Variants in ST6GAL1 observed in about 807,000 individuals in gnomAD.
ST6GAL1 encodes the protein beta-galactoside alpha-2,6-sialyltransferase 1.
In ST6GAL1, 20 loss-of-function variants were observed where a neutral mutation model predicts 38.0. The ratio of observed to expected loss-of-function variants is 0.53; its 90% confidence interval spans 0.37 to 0.77. The LOEUF is 0.77. Ranked by LOEUF, ST6GAL1 falls within the 30% of genes least tolerant of loss-of-function variation. The probability of loss-of-function intolerance (pLI) is 0.00; values close to 1 mark genes in which losing one functional copy is unlikely to be tolerated. For missense variants in ST6GAL1, 432 were observed against 496.4 expected (o/e 0.87, Z 1.23); for synonymous variants, 196 against 188.2 (o/e 1.04, Z -0.34).
chr3:187,038,346 C>G (rs1327936733), intron 2 of ST6GAL1: 1 of 152,020 alleles, frequency 6.6e-6, no homozygotes, highest in African/African-American at 2.4e-5. Context: ...GCTGGGACTA[C>G]CGGTGTGCGC....
intron 5 of ST6GAL1, among the ~76,000 whole-genome samples, chr3:187,056,485 A>G (rs1718706325): frequency 6.6e-6 from 1 of 152,150 alleles, no homozygotes; most frequent in Admixed American, 6.5e-5. Flanking sequence ...GAGCTCTTGT[A>G]AGGCAGGCCT....
At chr3:187,036,544 TAC>T (rs1717937787) in intron 2 of ST6GAL1, among the ~76,000 whole-genome samples, 1 of 152,190 alleles carries the variant, frequency 6.6e-6, no homozygotes, top group African/African-American at 2.4e-5. Context: ...ATGGTACATA[TAC>T]ACTGTGGAAT....
chr3:187,020,710 A>G (rs1717267135), intron 2 of ST6GAL1, among the ~76,000 whole-genome samples: 1 of 152,178 alleles, frequency 6.6e-6, no homozygotes, highest in African/African-American at 2.4e-5. Context: ...TCTGTAAAAT[A>G]TTTTCAAGAA....
intron 1 of ST6GAL1, among the ~76,000 whole-genome samples, chr3:186,941,151 T>TC (rs1261837029): frequency 2.6e-5 from 4 of 152,292 alleles, no homozygotes; most frequent in Non-Finnish European, 5.9e-5. Flanking sequence ...GTCATCACGT[T>TC]CCCCTCCCCT....
chr3:187,012,893 T>C (rs1717002262), intron 2 of ST6GAL1, among the ~76,000 whole-genome samples: 1 of 152,144 alleles, frequency 6.6e-6, no homozygotes. Context: ...TCACTGTGAG[T>C]CGTCGGGTCT....
intron 2 of ST6GAL1, among the ~76,000 whole-genome samples, chr3:186,969,028 C>A (rs1715247282): frequency 6.8e-6 from 1 of 147,968 alleles, no homozygotes; most frequent in South Asian, 2.2e-4. Context: ...TTTTCTTTTT[C>A]TTTTTTTCTT....
chr3:186,946,742 TG>T (rs1172989660), intron 1 of ST6GAL1, among the ~76,000 whole-genome samples: 1 of 152,200 alleles, frequency 6.6e-6, no homozygotes, highest in Non-Finnish European at 1.5e-5. Flanking sequence ...TTATAAATAA[TG>T]AACTAGTCTT....
chr3:187,008,419 A>T (rs957170590), intron 2 of ST6GAL1, among the ~76,000 whole-genome samples: 5 of 152,154 alleles, frequency 3.3e-5, no homozygotes, highest in Non-Finnish European at 7.3e-5. Flanking sequence ...ATGACTGTCC[A>T]TTTCTCATCC....
At chr3:187,054,776 C>T (rs1579365005) in intron 5 of ST6GAL1, among the ~76,000 whole-genome samples, 1 of 152,112 alleles carries the variant, frequency 6.6e-6, no homozygotes, top group Non-Finnish European at 1.5e-5. Context: ...TGTTTTGTCT[C>T]TGCTAGACTT....
intron 1 of ST6GAL1, among the ~76,000 whole-genome samples, chr3:186,948,338 T>C (rs954883355): frequency 6.6e-6 from 1 of 152,236 alleles, no homozygotes; most frequent in Non-Finnish European, 1.5e-5. Flanking sequence ...GAAGTACCGA[T>C]GAGGACAAAG....
chr3:187,012,297 T>C (rs2108559412), intron 2 of ST6GAL1, among the ~76,000 whole-genome samples: 1 of 151,930 alleles, frequency 6.6e-6, no homozygotes, highest in Admixed American at 6.6e-5. Context: ...CTGCTCTGTC[T>C]CCCAGGCTGG....
intron 2 of ST6GAL1, among the ~76,000 whole-genome samples, chr3:187,002,048 A>C (rs559166230): frequency 6.6e-6 from 1 of 151,040 alleles, no homozygotes; most frequent in Non-Finnish European, 1.5e-5. Flanking sequence ...GTTGCCTTAT[A>C]TTGGTGTTGT....
At chr3:187,064,479 G>T (rs1227147004) in intron 5 of ST6GAL1, 1 of 455,946 alleles carries the variant, frequency 2.2e-6, no homozygotes, top group East Asian at 6.9e-5. Flanking sequence ...AAAATGCATG[G>T]CTTTCTACTG....
At chr3:187,021,228 C>T (rs1359601626) in intron 2 of ST6GAL1, among the ~76,000 whole-genome samples, 2 of 152,076 alleles carry the variant, frequency 1.3e-5, no homozygotes, top group African/African-American at 4.8e-5. Flanking sequence ...TCCCAAAGTG[C>T]TGGGAATACA....
intron 2 of ST6GAL1, among the ~76,000 whole-genome samples, chr3:187,027,533 T>C (rs1560167889): frequency 6.6e-6 from 1 of 152,192 alleles, no homozygotes; most frequent in Non-Finnish European, 1.5e-5. Context: ...CAGTGTTGCC[T>C]CCTCTCTACA....
chr3:186,940,201 T>G (rs774740821), intron 1 of ST6GAL1, among the ~76,000 whole-genome samples: 1 of 152,182 alleles, frequency 6.6e-6, no homozygotes, highest in Non-Finnish European at 1.5e-5. Context: ...CTCTCAGCCC[T>G]GTGCAGCCCC....
At chr3:186,944,783 T>C (rs535719294) in intron 1 of ST6GAL1, among the ~76,000 whole-genome samples, 4 of 152,260 alleles carry the variant, frequency 2.6e-5, no homozygotes, top group East Asian at 1.9e-4. Flanking sequence ...AAAAGGGTAA[T>C]TGGAGAGTCT....
At chr3:186,947,627 A>G (rs1366376605) in intron 1 of ST6GAL1, among the ~76,000 whole-genome samples, 1 of 152,126 alleles carries the variant, frequency 6.6e-6, no homozygotes, top group Non-Finnish European at 1.5e-5. Flanking sequence ...TTGTAGGTAA[A>G]TTTTTAGGTA....
At chr3:187,030,718 G>T (rs1717717420) in intron 2 of ST6GAL1, among the ~76,000 whole-genome samples, 2 of 152,322 alleles carry the variant, frequency 1.3e-5, no homozygotes, top group South Asian at 4.1e-4. Flanking sequence ...ACAGGTGTGA[G>T]CCACCGTGCC....
Sources: gnomAD v4.1 joint callset for allele counts (sites outside exome capture counted in the v4.1 genomes callset) on GRCh38, gnomAD v4.1.1 for gene constraint, MANE v1.5 for transcripts, NCBI Gene and HGNC (gene_info 2026-07-23, HGNC 2026-07-21) for gene names.